STK32A: variants seen among roughly 807,000 people sequenced by gnomAD.
STK32A encodes serine/threonine-protein kinase 32A.
A neutral mutation model predicts 53.2 loss-of-function variants in STK32A; 41 were observed. The observed-to-expected ratio is 0.77, with a 90% CI of 0.60 to 1.00. STK32A has a LOEUF of 1.00. STK32A is among the 50% of genes least tolerant of loss of function. STK32A has a pLI of 0.00. For synonymous variants in STK32A, 166 were observed against 162.8 expected, an observed-to-expected ratio of 1.02 and a Z score of -0.15; for missense variants, 458 against 485.8, an observed-to-expected ratio of 0.94 and a Z score of 0.54.
chr5:147,253,552 C>T (rs934037640), intron 2 of STK32A, among the ~76,000 whole-genome samples: 52 of 152,284 alleles, frequency 3.4e-4, no homozygotes, highest in African/African-American at 1.2e-3. Flanking sequence ...ATGGGGGTTT[C>T]ACCATGTTGG....
intron 5 of STK32A, 36 bp from the exon 6 acceptor site, chr5:147,342,970 T>G: frequency 6.2e-7 from 1 of 1,611,348 alleles, no homozygotes; most frequent in Non-Finnish European, 8.5e-7. Context: ...TTCGTTTTAT[T>G]GTGAGCAACT....
At chr5:147,371,983 C>A (rs911792534) in intron 9 of STK32A, among the ~76,000 whole-genome samples, 1 of 152,098 alleles carries the variant, frequency 6.6e-6, no homozygotes, top group Non-Finnish European at 1.5e-5. Flanking sequence ...TAAAATTATA[C>A]CCAGCATTTG....
intron 2 of STK32A, among the ~76,000 whole-genome samples, chr5:147,255,894 T>C (rs1018845324): frequency 3.3e-5 from 5 of 152,242 alleles, no homozygotes; most frequent in Non-Finnish European, 5.9e-5. Context: ...TGATCTGGTA[T>C]TCCTCATGGG....
chr5:147,236,477 G>A (rs1413890825), intron 1 of STK32A, among the ~76,000 whole-genome samples: 1 of 152,080 alleles, frequency 6.6e-6, no homozygotes, highest in Non-Finnish European at 1.5e-5. Context: ...CAGCAGAATG[G>A]AAAGGACATG....
At chr5:147,329,758 A>G (rs1006157630) in intron 5 of STK32A, among the ~76,000 whole-genome samples, 6 of 152,106 alleles carry the variant, frequency 3.9e-5, no homozygotes, top group Non-Finnish European at 5.9e-5. Context: ...TCCCCTCTCC[A>G]ATCTTAAGCC....
intron 2 of STK32A, among the ~76,000 whole-genome samples, chr5:147,259,845 T>TC (rs1754422883): frequency 6.8e-6 from 1 of 146,410 alleles, no homozygotes; most frequent in African/African-American, 2.5e-5. Context: ...CTCCTCTGTC[T>TC]CTCTCCTCTC....
chr5:147,308,763 T>C (rs1753548769), intron 4 of STK32A, among the ~76,000 whole-genome samples: 1 of 151,746 alleles, frequency 6.6e-6, no homozygotes, highest in Admixed American at 6.6e-5. Flanking sequence ...GTACAATATT[T>C]TATCAAATAC....
At chr5:147,373,052 G>A (rs1757069142) in intron 9 of STK32A, 117 bp from the exon 10 acceptor site, 1 of 1,230,452 alleles carries the variant, frequency 8.1e-7, no homozygotes. Flanking sequence ...TAGGGATAGG[G>A]GACACTGTCT....
intron 11 of STK32A, 112 bp downstream of exon 11, chr5:147,375,330 G>A (rs1353305538): frequency 7.4e-7 from 1 of 1,358,774 alleles, no homozygotes. Context: ...GCTGCTTAGT[G>A]AAATAGGAGA....
chr5:147,383,642 A>C (rs1757540511), intron 12 of STK32A, 137 bp downstream of exon 12: 1 of 866,482 alleles, frequency 1.2e-6, no homozygotes, highest in African/African-American at 1.8e-5. Context: ...TATTATAGAA[A>C]ATGTAGAAAC....
At chr5:147,261,349 G>T (rs1754562694) in intron 2 of STK32A, among the ~76,000 whole-genome samples, 1 of 152,226 alleles carries the variant, frequency 6.6e-6, no homozygotes, top group Non-Finnish European at 1.5e-5. Context: ...GGGAGGGGAA[G>T]GGGTTCTTAT....
At chr5:147,245,305 CA>C (rs1753730331) in intron 2 of STK32A, among the ~76,000 whole-genome samples, 1 of 152,206 alleles carries the variant, frequency 6.6e-6, no homozygotes, top group African/African-American at 2.4e-5. Flanking sequence ...TCTCAACTAC[CA>C]TATGGATATT....
At chr5:147,272,664 C>A (rs1755092034) in intron 2 of STK32A, among the ~76,000 whole-genome samples, 1 of 152,182 alleles carries the variant, frequency 6.6e-6, no homozygotes, top group African/African-American at 2.4e-5. Flanking sequence ...ACTGGAACTG[C>A]AAACTTGGAA....
intron 9 of STK32A, 40 bp from the exon 10 acceptor site, chr5:147,373,129 A>C: frequency 6.2e-7 from 1 of 1,605,418 alleles, no homozygotes; most frequent in Non-Finnish European, 8.5e-7. Flanking sequence ...TTGTCCTTCT[A>C]TCCTTTCTTA....
chr5:147,261,881 T>TC (rs375016386), intron 2 of STK32A, among the ~76,000 whole-genome samples: 21 of 140,238 alleles, frequency 1.5e-4, no homozygotes, highest in African/African-American at 2.2e-4. Context: ...GTCCATGCTA[T>TC]CCCCCCCAAG....
chr5:147,274,503 G>A (rs1755170329), intron 2 of STK32A, among the ~76,000 whole-genome samples: 1 of 152,194 alleles, frequency 6.6e-6, no homozygotes, highest in African/African-American at 2.4e-5. Context: ...TTAGAGGTTA[G>A]AGAAAACAAT....
chr5:147,238,511 T>C (rs947953730), intron 1 of STK32A, among the ~76,000 whole-genome samples: 1 of 152,152 alleles, frequency 6.6e-6, no homozygotes, highest in Non-Finnish European at 1.5e-5. Context: ...TGTTTTAAAG[T>C]GGAGCAAAGC....
chr5:147,368,343 T>G (rs1756859102), intron 8 of STK32A, among the ~76,000 whole-genome samples: 1 of 152,252 alleles, frequency 6.6e-6, no homozygotes, highest in African/African-American at 2.4e-5. Context: ...CTTTGTTTAT[T>G]CTCTATATGC....
At chr5:147,306,599 TTTAA>T (rs1388998532) in intron 4 of STK32A, among the ~76,000 whole-genome samples, 1 of 151,438 alleles carries the variant, frequency 6.6e-6, no homozygotes, top group Non-Finnish European at 1.5e-5. Context: ...ATCAACAGAT[TTTAA>T]TTAATTCAAA....
Sources: gnomAD v4.1 joint callset for allele counts (sites outside exome capture counted in the v4.1 genomes callset) on GRCh38, gnomAD v4.1.1 for gene constraint, MANE v1.5 for transcripts, NCBI Gene and HGNC (gene_info 2026-07-23, HGNC 2026-07-21) for gene names.